SYT1: variants seen among roughly 807,000 people sequenced by gnomAD.
The protein encoded by SYT1 is synaptotagmin 1.
In SYT1, 8 loss-of-function variants were observed where a neutral mutation model predicts 44.8. The observed-to-expected ratio is 0.18, with a 90% CI of 0.10 to 0.32. The LOEUF (loss-of-function observed/expected upper bound fraction) is 0.32, where lower values mean the gene tolerates loss of function less well. Ranked by LOEUF, SYT1 falls within the 10% of genes least tolerant of loss-of-function variation. The probability of loss-of-function intolerance (pLI) is 1.00; values close to 1 mark genes in which losing one functional copy is unlikely to be tolerated. For missense variants in SYT1, 286 were observed against 509.3 expected, an observed-to-expected ratio of 0.56 and a Z score of 4.22; for synonymous variants, 154 against 188.8, an observed-to-expected ratio of 0.82 and a Z score of 1.51.
intron 3 of SYT1, among the ~76,000 whole-genome samples, chr12:79,131,306 G>A (rs555538663): frequency 6.8e-4 from 103 of 151,802 alleles, no homozygotes; most frequent in Non-Finnish European, 1.3e-3. Flanking sequence ...GGCCCTATAA[G>A]GTCTAACTCT....
chr12:79,429,420 G>A (rs1869642872), intron 9 of SYT1, among the ~76,000 whole-genome samples: 1 of 151,884 alleles, frequency 6.6e-6, no homozygotes, highest in Non-Finnish European at 1.5e-5. Context: ...TGTTGACCAG[G>A]CTGGTCTTGA....
intron 3 of SYT1, among the ~76,000 whole-genome samples, chr12:79,161,072 T>C (rs993943364): frequency 1.3e-5 from 2 of 151,998 alleles, no homozygotes; most frequent in African/African-American, 4.8e-5. Flanking sequence ...ATATCTATTT[T>C]TTAAAAAACA....
chr12:79,214,033 T>TA (rs1306709238), intron 3 of SYT1, among the ~76,000 whole-genome samples: 1 of 152,306 alleles, frequency 6.6e-6, no homozygotes, highest in Admixed American at 6.5e-5. Flanking sequence ...TTTCCATAAA[T>TA]ATGAATTTTC....
At chr12:79,236,455 A>G (rs1876196544) in intron 4 of SYT1, among the ~76,000 whole-genome samples, 1 of 152,102 alleles carries the variant, frequency 6.6e-6, no homozygotes, top group South Asian at 2.1e-4. Flanking sequence ...CTGAAATGAC[A>G]TTACCCCCAT....
intron 3 of SYT1, among the ~76,000 whole-genome samples, chr12:79,145,978 C>T (rs548273614): frequency 2.6e-5 from 4 of 151,992 alleles, no homozygotes; most frequent in East Asian, 1.9e-4. Context: ...GGGATGGTCT[C>T]GATCTCCTGA....
rs1592513719 is a variant in SYT1, at chr12:78,875,923, T to C, written c.-217+10814T>C. 2.6e-5 allele frequency among the ~76,000 whole-genome samples: 4 copies of C among 151,800 alleles called. No individual in the cohort carries two copies. In the South Asian group the frequency reaches 8.3e-4, roughly 31 times the overall value. On this transcript the variant is annotated intron_variant, in intron 1 of 10. Transcript: ENST00000261205. ...TTCTACATATCTTCCGTTTCTTAAA[T>C]CTTAATAATTCTTTCCCTTTCCCCT... is the stretch of plus-strand genomic sequence containing the variant.
intron 9 of SYT1, among the ~76,000 whole-genome samples, chr12:79,431,681 T>A (rs1048569999): frequency 6.6e-6 from 1 of 152,042 alleles, no homozygotes; most frequent in Non-Finnish European, 1.5e-5. Context: ...GTAGCTGGGA[T>A]TACAGGCATG....
intron 2 of SYT1, among the ~76,000 whole-genome samples, chr12:79,039,595 TTTTTTATTTTTTATTTA>T (rs1320495068): frequency 6.7e-6 from 1 of 150,264 alleles, no homozygotes; most frequent in East Asian, 2.0e-4. Context: ...CATTTTTTAT[TTTTTTATTTTTTATTTA>T]TTTTTATTTT....
chr12:79,194,602 C>G (rs1419379617), intron 3 of SYT1, among the ~76,000 whole-genome samples: 1 of 151,936 alleles, frequency 6.6e-6, no homozygotes, highest in African/African-American at 2.4e-5. Flanking sequence ...TAATGAGTAA[C>G]CAGTGATGCC....
intron 4 of SYT1, among the ~76,000 whole-genome samples, chr12:79,238,780 G>A (rs1157428622): frequency 1.3e-5 from 2 of 152,166 alleles, no homozygotes; most frequent in Non-Finnish European, 2.9e-5. Context: ...TTGTGAACCT[G>A]GGACAGAAAT....
intron 3 of SYT1, among the ~76,000 whole-genome samples, chr12:79,139,798 A>G (rs1340217525): frequency 6.6e-6 from 1 of 152,232 alleles, no homozygotes; most frequent in African/African-American, 2.4e-5. Flanking sequence ...TCACCACTGG[A>G]TAACCCAGTG....
At position 79,225,197 on chromosome 12, in the gene SYT1, G is replaced by A. The variant is rs117300623; in HGVS notation, c.166+7512G>A. On this transcript the variant is annotated intron_variant, in intron 4 of 10. Transcript: ENST00000261205. ...AGAAAGCAGGTTGTTGCAATAATCC[G>A]GATGAGAGATTTATAAGAGAATTAT... Among the ~76,000 whole-genome samples, 974 of 151,088 alleles carry A rather than the reference G, an allele frequency of 6.4e-3. 39 individuals are homozygous for A. The East Asian group carries it at 0.11, about 16-fold the overall frequency.
intron 9 of SYT1, among the ~76,000 whole-genome samples, chr12:79,361,663 G>T (rs1178509098): frequency 6.6e-6 from 1 of 152,170 alleles, no homozygotes; most frequent in African/African-American, 2.4e-5. Context: ...ATGCTGGAAA[G>T]GACTGTATCA....
chr12:79,379,513 C>T (rs113944039), intron 9 of SYT1, among the ~76,000 whole-genome samples: 8 of 152,290 alleles, frequency 5.3e-5, no homozygotes, highest in Non-Finnish European at 1.0e-4. Context: ...ACGAAATCCA[C>T]ATGAAGCCTC....
At chr12:78,878,935 T>C (rs1408659040) in intron 1 of SYT1, among the ~76,000 whole-genome samples, 2 of 151,696 alleles carry the variant, frequency 1.3e-5, no homozygotes, top group Admixed American at 6.6e-5. Context: ...TAAGGATTCA[T>C]TGCAGTAGGG....
At position 78,904,537 on chromosome 12, in the gene SYT1, G is replaced by C. The variant is rs141127085; in HGVS notation, c.-217+39428G>C. ...CCAAGGATGAAACTCATTAATTCTAGAGTAGCTCATGATACGTAAGTCAAC... is the reference window on the plus strand; with the variant it reads ...CCAAGGATGAAACTCATTAATTCTACAGTAGCTCATGATACGTAAGTCAAC... On this transcript the variant is annotated intron_variant, in intron 1 of 10. Transcript: ENST00000261205. Among the ~76,000 whole-genome samples, 309 of 152,194 alleles carry C rather than the reference G, an allele frequency of 2.0e-3. 2 individuals are homozygous for C. Among genetic ancestry groups the C allele is most frequent in the African/African-American group, 7.2e-3 (301 of 41,544 alleles).
chr12:78,885,109 A>G (rs1157040183), intron 1 of SYT1, among the ~76,000 whole-genome samples: 5 of 151,948 alleles, frequency 3.3e-5, no homozygotes, highest in Admixed American at 2.0e-4. Flanking sequence ...ATGATTTATT[A>G]CTTCATTAAT....
At chr12:78,983,008 T>C (rs1869381237) in intron 2 of SYT1, among the ~76,000 whole-genome samples, 1 of 152,034 alleles carries the variant, frequency 6.6e-6, no homozygotes, top group Non-Finnish European at 1.5e-5. Context: ...AAGGAACAAA[T>C]ATATAAATAA....
chr12:78,888,969 C>T (rs992095601), intron 1 of SYT1, among the ~76,000 whole-genome samples: 1 of 151,866 alleles, frequency 6.6e-6, no homozygotes, highest in Non-Finnish European at 1.5e-5. Flanking sequence ...TAGATTAATA[C>T]CTAAGGCCAA....
Sources: allele counts gnomAD v4.1 joint callset (sites outside exome capture counted in the v4.1 genomes callset), GRCh38; gene constraint gnomAD v4.1.1; transcripts MANE v1.5; gene names NCBI Gene and HGNC (gene_info 2026-07-23, HGNC 2026-07-21).